Variants in KHDRBS2 observed in about 807,000 individuals in gnomAD.
The protein encoded by KHDRBS2 is KH RNA binding domain containing, signal transduction associated 2.
A neutral mutation model predicts 44.3 loss-of-function variants in KHDRBS2; 26 were observed. That is an observed-to-expected ratio of 0.59 (90% CI 0.43 to 0.81). KHDRBS2 has a LOEUF of 0.81. KHDRBS2 is among the 40% of genes least tolerant of loss of function. The probability of loss-of-function intolerance (pLI) is 0.00; values close to 1 mark genes in which losing one functional copy is unlikely to be tolerated. For synonymous variants in KHDRBS2, 194 were observed against 151.1 expected (o/e 1.28, Z -2.08); for missense variants, 476 against 433.1 (o/e 1.10, Z -0.88).
intron 3 of KHDRBS2, among the ~76,000 whole-genome samples, chr6:61,985,154 C>T (rs191136350): frequency 6.6e-6 from 1 of 152,232 alleles, no homozygotes; most frequent in East Asian, 1.9e-4. Context: ...AAATATAATG[C>T]TTACTCTTTT....
At chr6:61,936,698 T>C (rs1220734047) in intron 4 of KHDRBS2, among the ~76,000 whole-genome samples, 3 of 152,020 alleles carry the variant, frequency 2.0e-5, no homozygotes, top group Non-Finnish European at 4.4e-5. Context: ...ATTATTGTTC[T>C]CTAACTTGAA....
At chr6:62,150,992 T>C (rs561729757) in intron 2 of KHDRBS2, among the ~76,000 whole-genome samples, 1 of 152,118 alleles carries the variant, frequency 6.6e-6, no homozygotes, top group African/African-American at 2.4e-5. Flanking sequence ...TTTGTAAGAT[T>C]TCCCCCCTTC....
At chr6:62,183,321 T>C (rs1822740506) in intron 1 of KHDRBS2, among the ~76,000 whole-genome samples, 1 of 151,654 alleles carries the variant, frequency 6.6e-6, no homozygotes, top group South Asian at 2.1e-4. Flanking sequence ...TTATATATTT[T>C]CCTCTAAAGT....
intron 2 of KHDRBS2, among the ~76,000 whole-genome samples, chr6:62,171,775 A>T (rs1820063718): frequency 6.6e-6 from 1 of 152,196 alleles, no homozygotes. Context: ...GCCTATATTC[A>T]TCACTCCTAA....
At chr6:61,918,539 A>G (rs1336151976) in intron 4 of KHDRBS2, among the ~76,000 whole-genome samples, 2 of 151,876 alleles carry the variant, frequency 1.3e-5, no homozygotes, top group African/African-American at 2.4e-5. Context: ...ATGTAAAATC[A>G]CAGTGAAAAG....
the KHDRBS2 span, among the ~76,000 whole-genome samples, chr6:61,542,782 A>G: frequency 7.2e-5 from 11 of 151,966 alleles, no homozygotes; most frequent in Admixed American, 5.9e-4. Context: ...GGAGGCAGAT[A>G]TATATATTCA....
chr6:62,221,276 T>G (rs1373107839), intron 1 of KHDRBS2, among the ~76,000 whole-genome samples: 2 of 151,996 alleles, frequency 1.3e-5, no homozygotes, highest in Non-Finnish European at 2.9e-5. Flanking sequence ...TATACAGAGA[T>G]AGAGAATGAA....
chr6:61,549,726 A>C, the KHDRBS2 span, among the ~76,000 whole-genome samples: 1 of 152,178 alleles, frequency 6.6e-6, no homozygotes, highest in Non-Finnish European at 1.5e-5. Context: ...AAAACTTGAT[A>C]AGTAACCTTT....
Position 62,084,419 on chromosome 6 carries a change from T to C in KHDRBS2, c.220-36425A>G, listed in dbSNP as rs575494553. On this transcript the variant is annotated intron_variant, in intron 2 of 8. Transcript: ENST00000281156. ...ATATTTTCCCCATTTCTGAGTGGAA[T>C]AAAGAAGAGCTCCCATGAAAAAATC... is the stretch of plus-strand genomic sequence containing the variant. Among the ~76,000 whole-genome samples, 22 of 152,208 alleles carry C rather than the reference T, an allele frequency of 1.4e-4. No individual in the cohort carries two copies. In the South Asian group the frequency reaches 4.1e-3, roughly 29 times the overall value.
At chr6:62,066,516 G>T (rs1289068366) in intron 2 of KHDRBS2, among the ~76,000 whole-genome samples, 1 of 151,716 alleles carries the variant, frequency 6.6e-6, no homozygotes, top group Admixed American at 6.6e-5. Flanking sequence ...TGAAATATTG[G>T]CTTTCTAAGT....
chr6:62,096,172 C>A lies in KHDRBS2; in HGVS notation c.220-48178G>T, dbSNP rs181152175. On this transcript the variant is annotated intron_variant, in intron 2 of 8. Coordinates refer to ENST00000281156, the MANE Select transcript of KHDRBS2 (RefSeq NM_152688.4). ...TATGTTCATCATGAATACTGGTCTG[C>A]GGTTCTGTTTTGTATCCTTGTCTCA... 3.2e-3 allele frequency among the ~76,000 whole-genome samples: 488 copies of A among 151,766 alleles called. 10 individuals are homozygous for A. The highest frequency in any genetic ancestry group is 0.03 in the Admixed American group (449 of 15,214).
At chr6:62,103,843 C>A (rs1802499280) in intron 2 of KHDRBS2, among the ~76,000 whole-genome samples, 1 of 152,132 alleles carries the variant, frequency 6.6e-6, no homozygotes, top group Non-Finnish European at 1.5e-5. Context: ...ATAAAATTGT[C>A]AGCCTATAAT....
At chr6:61,602,335 A>G in the KHDRBS2 span, among the ~76,000 whole-genome samples, 6 of 152,176 alleles carry the variant, frequency 3.9e-5, no homozygotes, top group Non-Finnish European at 5.9e-5. Flanking sequence ...CGCAGTGGCC[A>G]GGCATTCCTC....
intron 4 of KHDRBS2, among the ~76,000 whole-genome samples, chr6:61,955,405 T>C (rs1422255840): frequency 3.1e-5 from 1 of 31,916 alleles, no homozygotes. Context: ...TATGTATACA[T>C]ATACGTGTAT....
chr6:62,112,922 G>T (rs1398772599), intron 2 of KHDRBS2, among the ~76,000 whole-genome samples: 3 of 152,126 alleles, frequency 2.0e-5, no homozygotes, highest in Non-Finnish European at 4.4e-5. Flanking sequence ...CGCCAAAGTT[G>T]TGTTGGCTCT....
intron 8 of KHDRBS2, among the ~76,000 whole-genome samples, chr6:61,689,901 A>G (rs11967133): frequency 0.012 from 1,842 of 152,036 alleles, 43 homozygotes; most frequent in African/African-American, 0.042. Context: ...ATATATTTGC[A>G]ATGTTGGGAA....
At chr6:62,226,293 G>A (rs988749344) in intron 1 of KHDRBS2, among the ~76,000 whole-genome samples, 1 of 152,180 alleles carries the variant, frequency 6.6e-6, no homozygotes, top group Non-Finnish European at 1.5e-5. Context: ...TATCAGTGAT[G>A]TTGAGCTTTT....
rs1199708345 is a variant in KHDRBS2 at position 62,061,444 on chromosome 6, G to T, written c.220-13450C>A. 2.6e-5 allele frequency among the ~76,000 whole-genome samples: 4 copies of T among 150,962 alleles called. No homozygotes were observed. In the South Asian group the frequency reaches 8.5e-4, roughly 32 times the overall value. On this transcript the variant is annotated intron_variant, in intron 2 of 8. Transcript: ENST00000281156. ...TCCTTCACTTATGAAGCTTAGTTTG[G>T]CTGGATATGAAATTCTGGGTTCAAA...
chr6:61,876,048 C>T (rs956836779), intron 6 of KHDRBS2, among the ~76,000 whole-genome samples: 4 of 151,816 alleles, frequency 2.6e-5, no homozygotes, highest in Non-Finnish European at 4.4e-5. Context: ...GTGGAGTATC[C>T]TGGAGCAGAA....
Sources: allele counts gnomAD v4.1 joint callset (sites outside exome capture counted in the v4.1 genomes callset), GRCh38; gene constraint gnomAD v4.1.1; transcripts MANE v1.5; gene names NCBI Gene and HGNC (gene_info 2026-07-23, HGNC 2026-07-21).